Variants in SEZ6L observed in about 807,000 individuals in gnomAD.
SEZ6L encodes the protein seizure 6-like protein.
Under a neutral mutation model 106.2 loss-of-function variants are expected in SEZ6L, and 37 were observed. The ratio of observed to expected loss-of-function variants is 0.35; its 90% confidence interval spans 0.27 to 0.46. The LOEUF is 0.46. SEZ6L is among the 20% of genes least tolerant of loss of function. The pLI is 1.00. For missense variants in SEZ6L, 1,172 were observed against 1,332.8 expected, an observed-to-expected ratio of 0.88 and a Z score of 1.88; for synonymous variants, 541 against 570.4, an observed-to-expected ratio of 0.95 and a Z score of 0.73.
rs117145593 is a variant in SEZ6L, at chr22:26,313,012, G to T, written c.1877-752G>T. 2.5e-3 allele frequency among the ~76,000 whole-genome samples: 382 copies of T among 152,358 alleles called. 9 individuals are homozygous for T. The East Asian group carries it at 0.059, about 24-fold the overall frequency. On this transcript the variant is annotated intron_variant, in intron 8 of 16. Coordinates refer to ENST00000248933, the MANE Select transcript of SEZ6L (RefSeq NM_021115.5). ...AAATCACAGCCTTGCCATGGTGAGG[G>T]ATTGATCCCTATATTAAATGTGCCG...
chr22:26,172,836 T>A (rs1938719034), intron 1 of SEZ6L, among the ~76,000 whole-genome samples: 1 of 152,218 alleles, frequency 6.6e-6, no homozygotes, highest in African/African-American at 2.4e-5. Flanking sequence ...CGGAGAATGC[T>A]CCAAGGAAAA....
chr22:26,265,260 T>C (rs951460697), intron 1 of SEZ6L, among the ~76,000 whole-genome samples: 20 of 152,210 alleles, frequency 1.3e-4, no homozygotes, highest in Non-Finnish European at 7.3e-5. Flanking sequence ...CCTTAGCTTA[T>C]GCTCTGTCCT....
intron 9 of SEZ6L, among the ~76,000 whole-genome samples, chr22:26,317,708 G>T (rs538491339): frequency 7.9e-5 from 12 of 152,228 alleles, no homozygotes; most frequent in Admixed American, 7.2e-4. Flanking sequence ...ATTAGCATCA[G>T]GAAGGGAGCC....
chr22:26,321,965 A>G (rs1262875201), intron 9 of SEZ6L, among the ~76,000 whole-genome samples: 1 of 152,156 alleles, frequency 6.6e-6, no homozygotes, highest in Admixed American at 6.5e-5. Flanking sequence ...GTTACCATTT[A>G]TTAAAAACCT....
At chr22:26,352,437 A>T (rs1003669953) in intron 12 of SEZ6L, among the ~76,000 whole-genome samples, 1 of 152,190 alleles carries the variant, frequency 6.6e-6, no homozygotes, top group African/African-American at 2.4e-5. Flanking sequence ...GGGGGAAAAA[A>T]AGAAAAGAAA....
chr22:26,254,782 G>A (rs1344004826), intron 1 of SEZ6L, among the ~76,000 whole-genome samples: 3 of 152,168 alleles, frequency 2.0e-5, no homozygotes, highest in Non-Finnish European at 4.4e-5. Flanking sequence ...GAGGGTGAGT[G>A]TCAGGGGTCT....
intron 9 of SEZ6L, among the ~76,000 whole-genome samples, chr22:26,322,782 TC>T (rs1449104571): frequency 2.0e-5 from 3 of 152,102 alleles, no homozygotes; most frequent in Non-Finnish European, 2.9e-5. Flanking sequence ...TAAACCTTCT[TC>T]ACACCCCAAA....
At chr22:26,283,898 G>A (rs1263613858) in intron 1 of SEZ6L, among the ~76,000 whole-genome samples, 2 of 152,184 alleles carry the variant, frequency 1.3e-5, no homozygotes, top group African/African-American at 4.8e-5. Flanking sequence ...GGTATTTACT[G>A]CGTTAGCCTT....
At chr22:26,299,476 C>T (rs564101976) in intron 5 of SEZ6L, among the ~76,000 whole-genome samples, 2 of 152,300 alleles carry the variant, frequency 1.3e-5, no homozygotes, top group East Asian at 3.9e-4. Context: ...CCCATCCCTC[C>T]CTCCTCCCCA....
At chr22:26,192,038 A>G (rs1400715232) in intron 1 of SEZ6L, among the ~76,000 whole-genome samples, 4 of 151,986 alleles carry the variant, frequency 2.6e-5, no homozygotes, top group Non-Finnish European at 5.9e-5. Context: ...TCCCCTGTCC[A>G]TCCATTCATC....
rs757915915 is a variant in SEZ6L at position 26,375,617 on chromosome 22, T to C, written c.2870T>C (p.Met957Thr). The stretch of plus-strand genomic sequence containing the variant: ...GAGACGTCGCTGGAAGGGGGGAACA[T>C]GGCCCTGGCTATCTTCATCCCGGTC... Reference protein sequence around the residue: ...AAETSLEGGNMALAIFIPVLI... With the variant: ...AAETSLEGGNTALAIFIPVLI... Residue 957 changes from methionine (M) to threonine (T), a missense_variant, in exon 15 of 17, where the codon ATG (methionine) becomes ACG (threonine). Met to Thr is a moderately conservative substitution (Grantham distance 81). Coordinates refer to ENST00000248933, the MANE Select transcript of SEZ6L (RefSeq NM_021115.5). 28 of 1,614,038 alleles carry C rather than the reference T, an allele frequency of 1.7e-5. No individual in the cohort carries two copies. Among genetic ancestry groups the C allele is most frequent in the Non-Finnish European group, 2.3e-5 (27 of 1,180,034 alleles).
intron 1 of SEZ6L, among the ~76,000 whole-genome samples, chr22:26,215,454 A>G (rs1390694610): frequency 1.3e-5 from 2 of 152,152 alleles, no homozygotes; most frequent in African/African-American, 4.8e-5. Context: ...TGCTGGATAG[A>G]TGACTCCCAC....
At chr22:26,271,704 C>A (rs1456864932) in intron 1 of SEZ6L, among the ~76,000 whole-genome samples, 2 of 152,198 alleles carry the variant, frequency 1.3e-5, no homozygotes, top group Non-Finnish European at 2.9e-5. Flanking sequence ...TGATTAAAAG[C>A]TCCCTGATGC....
chr22:26,171,323 T>C (rs1358613126), intron 1 of SEZ6L, among the ~76,000 whole-genome samples: 1 of 152,168 alleles, frequency 6.6e-6, no homozygotes, highest in Non-Finnish European at 1.5e-5. Flanking sequence ...TAATTAGCTG[T>C]CTCTTTCTAA....
At chr22:26,357,826 G>T (rs1018142424) in intron 12 of SEZ6L, among the ~76,000 whole-genome samples, 3 of 152,114 alleles carry the variant, frequency 2.0e-5, no homozygotes, top group Non-Finnish European at 4.4e-5. Context: ...TAAGGACGTG[G>T]TGGATGACTC....
At chr22:26,299,630 T>C (rs1364960245) in intron 5 of SEZ6L, among the ~76,000 whole-genome samples, 1 of 152,246 alleles carries the variant, frequency 6.6e-6, no homozygotes, top group East Asian at 1.9e-4. Flanking sequence ...TCAAAGTTCG[T>C]GTATGTTGTA....
At chr22:26,220,765 G>C (rs1292554903) in intron 1 of SEZ6L, among the ~76,000 whole-genome samples, 1 of 152,174 alleles carries the variant, frequency 6.6e-6, no homozygotes, top group Non-Finnish European at 1.5e-5. Context: ...GGTATCCCCA[G>C]AGCTTAGCAT....
chr22:26,182,724 A>T lies in SEZ6L; in HGVS notation c.94+12961A>T, dbSNP rs113987161. ...GGAGCATTGACTTTACAACAACCACATCTATGCACACCTTCCCAATTTAAG... is the reference window on the plus strand; with the variant it reads ...GGAGCATTGACTTTACAACAACCACTTCTATGCACACCTTCCCAATTTAAG... On this transcript the variant is annotated intron_variant, in intron 1 of 16. Transcript: ENST00000248933. Among the ~76,000 whole-genome samples, 1,154 of 152,070 alleles carry T rather than the reference A, an allele frequency of 7.6e-3. 24 individuals are homozygous for T. The highest frequency in any genetic ancestry group is 0.027 in the African/African-American group (1,102 of 41,476).
At chr22:26,357,321 T>C (rs368022463) in intron 12 of SEZ6L, among the ~76,000 whole-genome samples, 1 of 152,162 alleles carries the variant, frequency 6.6e-6, no homozygotes, top group African/African-American at 2.4e-5. Flanking sequence ...TGGTGAAAGT[T>C]TGGGAACCCT....
Sources: allele counts gnomAD v4.1 joint callset (sites outside exome capture counted in the v4.1 genomes callset), GRCh38; gene constraint gnomAD v4.1.1; transcripts MANE v1.5; gene names NCBI Gene and HGNC (gene_info 2026-07-23, HGNC 2026-07-21).